The following CUL4A variants were observed in gnomAD, a reference collection of about 807,000 sequenced individuals.
The protein encoded by CUL4A is cullin 4A, also known as cullin-4A.
In CUL4A, 16 loss-of-function variants were observed where a neutral mutation model predicts 95.5. The observed-to-expected ratio is 0.17, with a 90% confidence interval of 0.11 to 0.25. The LOEUF (loss-of-function observed/expected upper bound fraction) is 0.25. Ranked by LOEUF, CUL4A falls within the 10% of genes least tolerant of loss-of-function variation. The pLI, the probability that CUL4A is intolerant of heterozygous loss-of-function variation, is 1.00. For synonymous variants in CUL4A, 380 were observed against 353.1 expected, an observed-to-expected ratio of 1.08 and a Z score of -0.85; for missense variants, 610 against 937.0, an observed-to-expected ratio of 0.65 and a Z score of 4.56.
At chr13:113,245,408 A>T (rs1434172690) in intron 14 of CUL4A, among the ~76,000 whole-genome samples, 171 bp downstream of exon 14, 3 of 152,106 alleles carry the variant, frequency 2.0e-5, no homozygotes, top group African/African-American at 2.4e-5. Context: ...CAAAAGAAAA[A>T]TTTTTTTAAT....
chr13:113,244,825 GC>G (rs1566359988), intron 12 of CUL4A, 123 bp from the exon 13 acceptor site: 5 of 671,850 alleles, frequency 7.4e-6, no homozygotes, highest in Non-Finnish European at 1.0e-5. Context: ...GGGCAACAGA[GC>G]AAGACTCTGT....
chr13:113,216,895 G>A (rs1276367678), intron 2 of CUL4A, among the ~76,000 whole-genome samples: 1 of 152,134 alleles, frequency 6.6e-6, no homozygotes, highest in Non-Finnish European at 1.5e-5. Context: ...CAGCAAACCT[G>A]GGTTACCCAG....
intron 5 of CUL4A, chr13:113,229,964 T>TTAATGATA: frequency 2.8e-6 from 1 of 357,562 alleles, no homozygotes; most frequent in Non-Finnish European, 5.0e-6. Context: ...CCGTCATCTT[T>TTAATGATA]CGGGGACTGT....
At chr13:113,219,923 TC>T (rs1258879179) in intron 3 of CUL4A, 4 of 152,214 alleles carry the variant, frequency 2.6e-5, no homozygotes, top group Non-Finnish European at 5.9e-5. Context: ...TCAATCTCAT[TC>T]CCCAGCCTCC....
At chr13:113,227,529 C>A (rs2041149930) in intron 3 of CUL4A, among the ~76,000 whole-genome samples, 1 of 152,214 alleles carries the variant, frequency 6.6e-6, no homozygotes, top group African/African-American at 2.4e-5. Context: ...CATGAACATT[C>A]AAGACTAATA....
chr13:113,217,502 A>C (rs1430530876), intron 2 of CUL4A, among the ~76,000 whole-genome samples: 1 of 152,176 alleles, frequency 6.6e-6, no homozygotes. Context: ...ATTATTCCAC[A>C]TCCTCTTTTG....
At chr13:113,242,923 C>T (rs1468380023) in intron 10 of CUL4A, 45 bp from the exon 11 acceptor site, 2 of 1,468,082 alleles carry the variant, frequency 1.4e-6, no homozygotes, top group Non-Finnish European at 1.9e-6. Context: ...ATACTGTTTG[C>T]TATTGTAAAC....
At chr13:113,209,864 C>T in intron 1 of CUL4A, 89 bp downstream of exon 1, 1 of 1,163,638 alleles carries the variant, frequency 8.6e-7, no homozygotes, top group Non-Finnish European at 1.1e-6. Flanking sequence ...CCCCGAGATC[C>T]GTGCGGGCCC....
chr13:113,245,609 A>G (rs2041836001), intron 14 of CUL4A, among the ~76,000 whole-genome samples: 1 of 152,252 alleles, frequency 6.6e-6, no homozygotes, highest in South Asian at 2.1e-4. Context: ...TCATAGATAG[A>G]TAAATAGATA....
intron 9 of CUL4A, among the ~76,000 whole-genome samples, chr13:113,239,011 A>C (rs570550090): frequency 9.6e-4 from 146 of 152,328 alleles, no homozygotes; most frequent in South Asian, 3.1e-3. Flanking sequence ...TTTCTCTTAT[A>C]GTTTACTATA....
At chr13:113,246,733 GCTC>G (rs1396973219) in intron 15 of CUL4A, among the ~76,000 whole-genome samples, 3 of 152,180 alleles carry the variant, frequency 2.0e-5, no homozygotes, top group Non-Finnish European at 2.9e-5. Context: ...CATGGCCAAT[GCTC>G]CTTTAACAAA....
intron 8 of CUL4A, among the ~76,000 whole-genome samples, chr13:113,235,698 C>T (rs946682373): frequency 3.3e-5 from 5 of 151,994 alleles, no homozygotes; most frequent in Admixed American, 6.6e-5. Context: ...CAGCTGGGCG[C>T]GGTGGCTCAG....
intron 3 of CUL4A, among the ~76,000 whole-genome samples, chr13:113,225,557 G>A (rs1429977962): frequency 1.3e-5 from 2 of 152,236 alleles, no homozygotes; most frequent in African/African-American, 4.8e-5. Flanking sequence ...CACAACACCT[G>A]AGCTGCCCAG....
intron 5 of CUL4A, among the ~76,000 whole-genome samples, chr13:113,231,951 C>T (rs2041326239): frequency 6.6e-6 from 1 of 151,156 alleles, no homozygotes; most frequent in Non-Finnish European, 1.5e-5. Context: ...GCTGCCACCA[C>T]TGCCACCATA....
intron 6 of CUL4A, among the ~76,000 whole-genome samples, chr13:113,233,577 A>G (rs1173259592): frequency 3.3e-5 from 5 of 152,278 alleles, no homozygotes; most frequent in African/African-American, 1.2e-4. Flanking sequence ...ATATCACTAC[A>G]TAAAATGCAC....
chr13:113,224,037 G>A (rs746930964), intron 3 of CUL4A, among the ~76,000 whole-genome samples: 6 of 152,158 alleles, frequency 3.9e-5, no homozygotes, highest in Non-Finnish European at 7.3e-5. Context: ...GCCAAGCTAC[G>A]TGGGCAACAG....
intron 15 of CUL4A, among the ~76,000 whole-genome samples, chr13:113,246,877 A>G (rs929094313): frequency 6.6e-6 from 1 of 152,252 alleles, no homozygotes; most frequent in Admixed American, 6.5e-5. Flanking sequence ...TTGATAAAGA[A>G]TGGGCAGCCA....
chr13:113,258,790 C>T (rs1055829445), intron 18 of CUL4A, among the ~76,000 whole-genome samples: 3 of 152,186 alleles, frequency 2.0e-5, no homozygotes, highest in Admixed American at 6.5e-5. Flanking sequence ...CGTCAGCCAA[C>T]GCTTTCCTGA....
intron 5 of CUL4A, among the ~76,000 whole-genome samples, chr13:113,232,865 G>A (rs903213467): frequency 5.3e-5 from 8 of 152,072 alleles, no homozygotes; most frequent in Admixed American, 1.3e-4. Flanking sequence ...GTCTCCCGTC[G>A]CTCAGCAGGA....
Sources: allele counts gnomAD v4.1 joint callset (sites outside exome capture counted in the v4.1 genomes callset), GRCh38; gene constraint gnomAD v4.1.1; transcripts MANE v1.5; gene names NCBI Gene and HGNC (gene_info 2026-07-23, HGNC 2026-07-21).